RICTOR: variants seen among roughly 807,000 people sequenced by gnomAD.
RICTOR encodes the protein rapamycin-insensitive companion of mTOR.
RICTOR carries 49 observed loss-of-function variants against 214.9 expected under a neutral mutation model. That is an observed-to-expected ratio of 0.23 (90% CI 0.18 to 0.29). The LOEUF (loss-of-function observed/expected upper bound fraction) is 0.29. RICTOR is among the 10% of genes least tolerant of loss of function. The pLI is 1.00. For synonymous variants in RICTOR, 717 were observed against 711.3 expected, an observed-to-expected ratio of 1.01 and a Z score of -0.13; for missense variants, 1,625 against 2,047.0, an observed-to-expected ratio of 0.79 and a Z score of 3.98.
intron 12 of RICTOR, 128 bp downstream of exon 12, chr5:38,967,815 C>T (rs1750361969): frequency 3.6e-6 from 2 of 552,476 alleles, no homozygotes; most frequent in South Asian, 3.1e-5. Context: ...ATATTAATTT[C>T]CTGTCACAAT....
intron 10 of RICTOR, among the ~76,000 whole-genome samples, chr5:38,974,081 G>A (rs1035339848): frequency 4.1e-5 from 6 of 147,800 alleles, no homozygotes; most frequent in African/African-American, 1.0e-4. Context: ...ACAGAGTCTC[G>A]CTCTATCACC....
chr5:38,938,082 T>C lies in RICTOR; in HGVS notation c.*4222A>G, dbSNP rs1223888482. 4.8e-6 allele frequency: 1 copy of C among 206,408 alleles called. No individual in the cohort carries two copies. The highest frequency in any genetic ancestry group is 9.9e-6 in the Non-Finnish European group (1 of 100,994). The allele number at this position is 206,408 out of a possible 1,614,324, so 12.8% of individuals were successfully genotyped here. A position where few individuals can be genotyped will look rare whatever the true frequency, so the allele number is the denominator to read the frequency against. On this transcript the variant is annotated 3_prime_UTR_variant, in exon 38 of 38. Transcript: ENST00000357387. ...AGCAAAACCATTTGGGGACAAATCTTATTTAAATTATACACAACTCAATGA... is the reference window on the plus strand; with the variant it reads ...AGCAAAACCATTTGGGGACAAATCTCATTTAAATTATACACAACTCAATGA...
At chr5:38,971,600 C>T in intron 11 of RICTOR, 1 of 191,382 alleles carries the variant, frequency 5.2e-6, no homozygotes, top group Non-Finnish European at 1.0e-5. Flanking sequence ...TCAGGCTGGT[C>T]TTGAACTCCT....
intron 8 of RICTOR, 129 bp downstream of exon 8, chr5:38,981,738 A>T (rs956236218): frequency 1.5e-5 from 9 of 593,886 alleles, no homozygotes; most frequent in Non-Finnish European, 5.7e-6. Context: ...AGCTGGGAAT[A>T]AATTAGTGTC....
At chr5:38,968,701 G>A (rs974512698) in intron 11 of RICTOR, among the ~76,000 whole-genome samples, 1 of 149,656 alleles carries the variant, frequency 6.7e-6, no homozygotes, top group African/African-American at 2.5e-5. Context: ...TCATTCCACT[G>A]CACTCTAGCC....
At chr5:39,065,603 G>A (rs928113978) in intron 2 of RICTOR, among the ~76,000 whole-genome samples, 1 of 152,162 alleles carries the variant, frequency 6.6e-6, no homozygotes, top group Non-Finnish European at 1.5e-5. Context: ...CCACTTATGA[G>A]GCTGTAAAGT....
At chr5:39,039,459 G>A (rs969521957) in intron 2 of RICTOR, among the ~76,000 whole-genome samples, 3 of 152,112 alleles carry the variant, frequency 2.0e-5, no homozygotes, top group African/African-American at 7.2e-5. Flanking sequence ...AGCCAAAATT[G>A]ACAAATGGGA....
intron 2 of RICTOR, among the ~76,000 whole-genome samples, chr5:39,073,678 G>T (rs934560581): frequency 2.6e-5 from 4 of 152,144 alleles, no homozygotes; most frequent in Non-Finnish European, 5.9e-5. Flanking sequence ...CTTCTGCTCC[G>T]GGGACGGGGA....
intron 2 of RICTOR, among the ~76,000 whole-genome samples, chr5:39,027,553 G>A (rs940837943): frequency 7.2e-5 from 11 of 151,998 alleles, no homozygotes; most frequent in South Asian, 4.1e-4. Context: ...TGCATGGCAC[G>A]TATATAGTAT....
At chr5:39,026,633 T>C (rs1272051163) in intron 2 of RICTOR, among the ~76,000 whole-genome samples, 1 of 152,010 alleles carries the variant, frequency 6.6e-6, no homozygotes, top group Non-Finnish European at 1.5e-5. Flanking sequence ...TGTCTTCTCC[T>C]GTCCTTCCAT....
At chr5:39,060,304 G>T (rs1299165459) in intron 2 of RICTOR, among the ~76,000 whole-genome samples, 1 of 152,000 alleles carries the variant, frequency 6.6e-6, no homozygotes, top group Non-Finnish European at 1.5e-5. Flanking sequence ...ATGCATAGTA[G>T]AGACTCTTAA....
intron 5 of RICTOR, among the ~76,000 whole-genome samples, chr5:38,997,171 T>C (rs894556077): frequency 1.3e-5 from 2 of 152,124 alleles, no homozygotes; most frequent in Non-Finnish European, 2.9e-5. Context: ...AAACATAAAG[T>C]GTAAAAAGTC....
intron 3 of RICTOR, among the ~76,000 whole-genome samples, chr5:39,019,461 C>A (rs1469723798): frequency 1.3e-5 from 2 of 152,126 alleles, no homozygotes; most frequent in African/African-American, 2.4e-5. Context: ...TTCTGAAAAT[C>A]CTAGAGATCT....
chr5:38,964,799 T>C lies in RICTOR; in HGVS notation c.1393A>G (p.Lys465Glu). 6.4e-7 allele frequency: 1 copy of C among 1,561,842 alleles called. No homozygotes were observed. The highest frequency in any genetic ancestry group is 8.8e-7 in the Non-Finnish European group (1 of 1,137,980). The change falls in exon 16 of 38, where the codon AAG becomes GAG. Residue 465 changes from lysine to glutamate, a missense_variant. Coordinates refer to ENST00000357387, the MANE Select transcript of RICTOR (RefSeq NM_152756.5). ...MAASFDIPKEKRLRASAALNC... is the reference protein window; with the variant it reads ...MAASFDIPKEERLRASAALNC... ...TAAAGCTCTGATACTTACAGTCTCTTTTCCTTGGGGATATCAAAGGATGCA... is the reference window on the plus strand; with the variant it reads ...TAAAGCTCTGATACTTACAGTCTCTCTTCCTTGGGGATATCAAAGGATGCA...
chr5:38,988,188 G>A (rs902982995), intron 7 of RICTOR, among the ~76,000 whole-genome samples: 1 of 152,116 alleles, frequency 6.6e-6, no homozygotes, highest in Non-Finnish European at 1.5e-5. Context: ...GTTGATTTGG[G>A]GTGGAGAGTT....
chr5:39,020,665 G>A (rs1755351846), intron 3 of RICTOR, among the ~76,000 whole-genome samples: 1 of 152,074 alleles, frequency 6.6e-6, no homozygotes, highest in African/African-American at 2.4e-5. Context: ...ACTTTATTGC[G>A]ACACTTTATT....
chr5:38,975,525 A>G lies in RICTOR; in HGVS notation c.889+12T>C. ...CTTCTTGGATGTTATAAAGCAATGT[A>G]GAGTAACCTACCTGCCCATGATCGG... On this transcript the variant is annotated intron_variant, in intron 10 of 37. Coordinates refer to ENST00000357387, the MANE Select transcript of RICTOR (RefSeq NM_152756.5). 1.3e-6 allele frequency: 2 copies of G among 1,595,896 alleles called. No homozygotes were observed. The highest frequency in any genetic ancestry group is 1.7e-6 in the Non-Finnish European group (2 of 1,163,440).
intron 7 of RICTOR, among the ~76,000 whole-genome samples, chr5:38,984,901 C>T (rs926370372): frequency 6.6e-6 from 1 of 152,108 alleles, no homozygotes; most frequent in Non-Finnish European, 1.5e-5. Flanking sequence ...CTCACTGCAA[C>T]CTCCGCCTCC....
intron 3 of RICTOR, among the ~76,000 whole-genome samples, chr5:39,014,967 C>T (rs1754834727): frequency 6.6e-6 from 1 of 152,110 alleles, no homozygotes; most frequent in Admixed American, 6.6e-5. Context: ...GCATCATCTT[C>T]CCAATCTAAT....
Sources: allele counts gnomAD v4.1 joint callset (sites outside exome capture counted in the v4.1 genomes callset), GRCh38; gene constraint gnomAD v4.1.1; transcripts MANE v1.5; gene names NCBI Gene and HGNC (gene_info 2026-07-23, HGNC 2026-07-21).